GPC5: variants seen among roughly 807,000 people sequenced by gnomAD.
GPC5 encodes glypican-5.
A neutral mutation model predicts 53.9 loss-of-function variants in GPC5; 47 were observed. That is an observed-to-expected ratio of 0.87 (90% confidence interval 0.69 to 1.11). The LOEUF (loss-of-function observed/expected upper bound fraction) is 1.11, where lower values mean the gene tolerates loss of function less well. GPC5 is among the 50% of genes most tolerant of loss of function. The pLI is 0.00. For synonymous variants in GPC5, 286 were observed against 263.3 expected, an observed-to-expected ratio of 1.09 and a Z score of -0.84; for missense variants, 748 against 713.1, an observed-to-expected ratio of 1.05 and a Z score of -0.56.
chr13:92,298,609 T>A (rs1465151614), intron 7 of GPC5, among the ~76,000 whole-genome samples: 1 of 152,060 alleles, frequency 6.6e-6, no homozygotes, highest in Non-Finnish European at 1.5e-5. Flanking sequence ...CCCCTGGGGG[T>A]GTGTGTTCAG....
intron 6 of GPC5, among the ~76,000 whole-genome samples, chr13:92,102,112 T>TAA (rs1441573890): frequency 6.6e-6 from 1 of 151,868 alleles, no homozygotes; most frequent in African/African-American, 2.4e-5. Context: ...GAATTTTCCT[T>TAA]AAGAAAACAA....
Position 91,595,774 on chromosome 13 carries a change from G to A in GPC5, c.326-97413G>A, listed in dbSNP as rs61966882. On this transcript the variant is annotated intron_variant, in intron 2 of 7. Transcript: ENST00000377067. Reference sequence around the variant, plus strand: ...GCAAAAGACTTTGAAGGAGCCCATAGAGTTGGTGTTTCCACTTAGTCTCCT... The same window carrying A: ...GCAAAAGACTTTGAAGGAGCCCATAAAGTTGGTGTTTCCACTTAGTCTCCT... Among the ~76,000 whole-genome samples the A allele has an allele frequency of 5.0e-3, 765 of 152,280 alleles. 5 individuals carry two copies. Among genetic ancestry groups the A allele is most frequent in the Non-Finnish European group, 9.1e-3 (616 of 68,006 alleles).
intron 6 of GPC5, among the ~76,000 whole-genome samples, chr13:92,113,682 A>G (rs78855337): frequency 0.019 from 2,889 of 152,250 alleles, 99 homozygotes; most frequent in African/African-American, 0.067. Flanking sequence ...TCATAAATGA[A>G]ATATCTACCA....
intron 7 of GPC5, among the ~76,000 whole-genome samples, chr13:92,416,647 T>C (rs1015258528): frequency 1.8e-4 from 28 of 152,286 alleles, no homozygotes; most frequent in African/African-American, 6.5e-4. Flanking sequence ...TAAATCTTTG[T>C]AATTTAGGAT....
At chr13:92,296,109 A>G (rs2043032559) in intron 7 of GPC5, among the ~76,000 whole-genome samples, 1 of 152,160 alleles carries the variant, frequency 6.6e-6, no homozygotes, top group South Asian at 2.1e-4. Context: ...AAAATAGAAC[A>G]AGACCTACTG....
intron 5 of GPC5, among the ~76,000 whole-genome samples, chr13:91,786,946 T>TC: frequency 6.1e-4 from 4 of 6,508 alleles, no homozygotes; most frequent in Admixed American, 5.2e-3. Context: ...AGTGTTTCTC[T>TC]TTTTTTTTTT....
At chr13:92,115,632 AG>A (rs2041594607) in intron 6 of GPC5, among the ~76,000 whole-genome samples, 1 of 152,202 alleles carries the variant, frequency 6.6e-6, no homozygotes, top group Non-Finnish European at 1.5e-5. Flanking sequence ...TGACCTTCAA[AG>A]GAAGTCATCC....
At chr13:91,494,779 C>G (rs1302731658) in intron 2 of GPC5, among the ~76,000 whole-genome samples, 1 of 152,116 alleles carries the variant, frequency 6.6e-6, no homozygotes, top group Non-Finnish European at 1.5e-5. Context: ...TTTCTCCCCC[C>G]TTATTGACTG....
intron 7 of GPC5, among the ~76,000 whole-genome samples, chr13:92,560,618 A>G (rs1438320752): frequency 6.6e-6 from 1 of 152,002 alleles, no homozygotes; most frequent in Non-Finnish European, 1.5e-5. Context: ...TCACTCATAG[A>G]TGAGACTCCA....
At chr13:92,000,670 C>T (rs1224321267) in intron 6 of GPC5, among the ~76,000 whole-genome samples, 1 of 152,132 alleles carries the variant, frequency 6.6e-6, no homozygotes, top group African/African-American at 2.4e-5. Flanking sequence ...CCAGAATCCT[C>T]TGGGGAACAC....
chr13:91,785,425 T>G (rs1312416488), intron 5 of GPC5, among the ~76,000 whole-genome samples: 1 of 152,200 alleles, frequency 6.6e-6, no homozygotes, highest in African/African-American at 2.4e-5. Flanking sequence ...TTGCCTTCAG[T>G]TGAAAACCAC....
intron 7 of GPC5, among the ~76,000 whole-genome samples, chr13:92,295,070 T>C (rs972804637): frequency 6.6e-5 from 10 of 152,052 alleles, no homozygotes; most frequent in African/African-American, 2.4e-4. Context: ...CCTCAGGTGA[T>C]ATACCTGCCT....
intron 5 of GPC5, among the ~76,000 whole-genome samples, chr13:91,810,065 A>AT (rs201991040): frequency 5.9e-4 from 90 of 151,902 alleles, no homozygotes; most frequent in African/African-American, 1.9e-3. Context: ...AGGAAATCAT[A>AT]TTTTTTTTAA....
intron 7 of GPC5, among the ~76,000 whole-genome samples, chr13:92,758,206 A>T (rs1315553316): frequency 6.8e-6 from 1 of 147,324 alleles, no homozygotes. Flanking sequence ...ATTGGAAATC[A>T]TCATTCTCAG....
In GPC5 at chr13:92,159,593, CTTTT is replaced by C. The variant is rs71120074; in HGVS notation, c.1561+14628_1561+14631del. Among the ~76,000 whole-genome samples, 433 of 57,158 alleles carry C rather than the reference CTTTT, an allele frequency of 7.6e-3. 3 individuals carry two copies. Among genetic ancestry groups the C allele is most frequent in the African/African-American group, 0.026 (409 of 15,458 alleles). 37.5% of individuals were successfully genotyped at this position (57,158 alleles called of 152,430 possible). A position where few individuals can be genotyped will look rare whatever the true frequency, so the allele number is the denominator to read the frequency against. On this transcript the variant is annotated intron_variant, in intron 7 of 7. Transcript: ENST00000377067. The stretch of plus-strand genomic sequence containing the variant: ...CTATGTAATCACTAATACCAATGTT[CTTTT>C]TTTTTTTTTTTTTTTTTTTTTTTGA...
intron 7 of GPC5, among the ~76,000 whole-genome samples, chr13:92,373,855 A>T (rs1465536733): frequency 6.6e-6 from 1 of 152,226 alleles, no homozygotes; most frequent in South Asian, 2.1e-4. Context: ...ATGTCCTTTC[A>T]TCTGATTAAC....
intron 7 of GPC5, among the ~76,000 whole-genome samples, chr13:92,458,902 T>C (rs550444863): frequency 7.2e-5 from 11 of 152,276 alleles, no homozygotes; most frequent in Non-Finnish European, 1.5e-4. Context: ...TATGCAACAA[T>C]GCTTTTAAGC....
intron 7 of GPC5, among the ~76,000 whole-genome samples, chr13:92,390,832 A>G (rs937817518): frequency 6.6e-6 from 1 of 152,192 alleles, no homozygotes; most frequent in African/African-American, 2.4e-5. Flanking sequence ...GTAGCATATC[A>G]GTATATATTT....
intron 7 of GPC5, among the ~76,000 whole-genome samples, chr13:92,333,568 G>C (rs2043302496): frequency 6.6e-6 from 1 of 151,992 alleles, no homozygotes; most frequent in Non-Finnish European, 1.5e-5. Flanking sequence ...GTTCACTTCT[G>C]ATGTCTGGAG....
Sources: allele counts gnomAD v4.1 joint callset (sites outside exome capture counted in the v4.1 genomes callset), GRCh38; gene constraint gnomAD v4.1.1; transcripts MANE v1.5; gene names NCBI Gene and HGNC (gene_info 2026-07-23, HGNC 2026-07-21).